NLGN1: variants seen among roughly 807,000 people sequenced by gnomAD.
NLGN1 encodes the protein neuroligin-1.
NLGN1 carries 12 observed loss-of-function variants against 65.5 expected under a neutral mutation model. That is an observed-to-expected ratio of 0.18 (90% confidence interval 0.12 to 0.30). NLGN1 has a LOEUF of 0.30. Ranked by LOEUF, NLGN1 falls within the 10% of genes least tolerant of loss-of-function variation. NLGN1 has a pLI of 1.00. For synonymous variants in NLGN1, 350 were observed against 359.5 expected (o/e 0.97, Z 0.30); for missense variants, 750 against 1,007.1 (o/e 0.74, Z 3.46).
At chr3:173,823,873 T>G (rs1359649959) in intron 4 of NLGN1, among the ~76,000 whole-genome samples, 1 of 151,886 alleles carries the variant, frequency 6.6e-6, no homozygotes, top group Non-Finnish European at 1.5e-5. Context: ...ATAGAAATTT[T>G]GAAGATTAAT....
At chr3:173,457,166 C>A (rs557360584) in intron 2 of NLGN1, among the ~76,000 whole-genome samples, 1 of 151,996 alleles carries the variant, frequency 6.6e-6, no homozygotes, top group South Asian at 2.1e-4. Flanking sequence ...ACATTAGGCA[C>A]TGAGCTTCAT....
At chr3:173,721,745 C>G (rs1420600806) in intron 3 of NLGN1, among the ~76,000 whole-genome samples, 1 of 152,098 alleles carries the variant, frequency 6.6e-6, no homozygotes, top group East Asian at 1.9e-4. Flanking sequence ...GCTTAGAAAG[C>G]TATAAAATAA....
intron 4 of NLGN1, among the ~76,000 whole-genome samples, chr3:173,895,565 A>C (rs1736199814): frequency 6.6e-6 from 1 of 152,196 alleles, no homozygotes; most frequent in South Asian, 2.1e-4. Context: ...CTATGTTACC[A>C]GGAGCCTCCT....
chr3:173,983,504 C>T (rs1719215194), intron 4 of NLGN1, among the ~76,000 whole-genome samples: 1 of 152,122 alleles, frequency 6.6e-6, no homozygotes, highest in South Asian at 2.1e-4. Context: ...AGGCAGATTC[C>T]TGAGTCCATC....
intron 4 of NLGN1, among the ~76,000 whole-genome samples, chr3:173,829,607 A>C (rs1722092798): frequency 6.6e-6 from 1 of 151,320 alleles, no homozygotes; most frequent in Non-Finnish European, 1.5e-5. Context: ...ACTTAAAGAA[A>C]CTGCTCTTAT....
Position 174,275,299 on chromosome 3 carries a change from A to AATTT in NLGN1, c.647-13_647-10dup. 1 of 1,599,234 alleles carries AATTT rather than the reference A, an allele frequency of 6.3e-7. No individual in the cohort carries two copies. The highest frequency in any genetic ancestry group is 1.3e-5 in the African/African-American group (1 of 74,400). Reference sequence around the variant, plus strand: ...ACGTCAGCTCAAAACGTGTTTTCTAAATTTATATTTTTCAGGTTTCTTGAG... The same window carrying AATTT: ...ACGTCAGCTCAAAACGTGTTTTCTAAATTTATTTATATTTTTCAGGTTTCTTGAG... On this transcript the variant is annotated splice_polypyrimidine_tract_variant and intron_variant, in intron 4 of 6. Coordinates refer to ENST00000457714, the Ensembl canonical transcript of NLGN1.
intron 4 of NLGN1, among the ~76,000 whole-genome samples, chr3:174,272,966 A>G (rs1000253489): frequency 6.6e-6 from 1 of 151,000 alleles, no homozygotes; most frequent in Non-Finnish European, 1.5e-5. Context: ...ACTTCTTTAG[A>G]CTGTATATAA....
At chr3:174,267,595 C>G (rs758982326) in intron 4 of NLGN1, among the ~76,000 whole-genome samples, 3 of 152,060 alleles carry the variant, frequency 2.0e-5, no homozygotes, top group Admixed American at 6.5e-5. Flanking sequence ...TATCTCATCT[C>G]GGATAAGCCC....
chr3:173,454,033 G>A (rs1003701247), intron 2 of NLGN1, among the ~76,000 whole-genome samples: 2 of 152,200 alleles, frequency 1.3e-5, no homozygotes, highest in African/African-American at 4.8e-5. Context: ...TAGAATGAAT[G>A]TTGTGTAAAC....
intron 4 of NLGN1, among the ~76,000 whole-genome samples, chr3:173,990,604 ATTG>A (rs1246977089): frequency 6.6e-6 from 1 of 152,118 alleles, no homozygotes; most frequent in Non-Finnish European, 1.5e-5. Context: ...TATCCTGAAA[ATTG>A]TTTATTGGCA....
At chr3:173,488,119 G>C (rs1728460794) in intron 2 of NLGN1, among the ~76,000 whole-genome samples, 1 of 150,794 alleles carries the variant, frequency 6.6e-6, no homozygotes, top group Non-Finnish European at 1.5e-5. Context: ...GTTAACATTA[G>C]ATTTTTTAAC....
intron 4 of NLGN1, among the ~76,000 whole-genome samples, chr3:174,073,269 T>C (rs1740279432): frequency 6.6e-6 from 1 of 152,108 alleles, no homozygotes; most frequent in Admixed American, 6.6e-5. Flanking sequence ...TTCCATTCCA[T>C]CGCAAAGTTT....
chr3:174,039,236 T>TAA (rs1560899520), intron 4 of NLGN1, among the ~76,000 whole-genome samples: 2 of 151,686 alleles, frequency 1.3e-5, no homozygotes, highest in Non-Finnish European at 2.9e-5. Flanking sequence ...TATATATATA[T>TAA]AAATATAAAA....
At position 173,457,722 on chromosome 3, in the gene NLGN1, A is replaced by G. The variant is rs189762742; in HGVS notation, c.-321+22644A>G. On this transcript the variant is annotated intron_variant, in intron 2 of 6. Transcript: ENST00000457714. ...GCTTGGCCTAAAGTTGAGATTCAGT[A>G]TGTATGAAATAAAGCAATAAGGCTA... Among the ~76,000 whole-genome samples the G allele has an allele frequency of 6.2e-4, 95 of 152,242 alleles. 1 individual carries two copies. In the East Asian group the frequency reaches 0.018, roughly 28 times the overall value.
chr3:173,677,225 C>T (rs1168991471), intron 3 of NLGN1, among the ~76,000 whole-genome samples: 2 of 151,962 alleles, frequency 1.3e-5, no homozygotes, highest in Non-Finnish European at 2.9e-5. Context: ...GATTTACACC[C>T]AGGAATACAA....
intron 4 of NLGN1, among the ~76,000 whole-genome samples, chr3:174,120,002 CT>C (rs1261112559): frequency 6.6e-6 from 1 of 152,148 alleles, no homozygotes; most frequent in African/African-American, 2.4e-5. Flanking sequence ...TTGAAAACCA[CT>C]GATATAGATG....
intron 4 of NLGN1, among the ~76,000 whole-genome samples, chr3:173,850,413 T>A (rs759878616): frequency 2.0e-5 from 3 of 152,204 alleles, no homozygotes; most frequent in African/African-American, 7.2e-5. Context: ...AAAATCACTG[T>A]GTTGTGATTT....
At chr3:174,262,620 T>G in intron 4 of NLGN1, among the ~76,000 whole-genome samples, 1 of 151,882 alleles carries the variant, frequency 6.6e-6, no homozygotes. Context: ...ATTTTGTTGA[T>G]CCTTTCAAAA....
At chr3:173,565,417 C>T (rs1743472308) in intron 2 of NLGN1, among the ~76,000 whole-genome samples, 1 of 152,164 alleles carries the variant, frequency 6.6e-6, no homozygotes, top group Non-Finnish European at 1.5e-5. Context: ...TTTTCCACAT[C>T]TTACTAAATC....
Sources: allele counts gnomAD v4.1 joint callset (sites outside exome capture counted in the v4.1 genomes callset), GRCh38; gene constraint gnomAD v4.1.1; transcripts MANE v1.5; gene names NCBI Gene and HGNC (gene_info 2026-07-23, HGNC 2026-07-21).